Variants in COG5 observed in about 807,000 individuals in gnomAD.
The protein encoded by COG5 is component of oligomeric golgi complex 5, also known as conserved oligomeric Golgi complex subunit 5.
COG5 carries 86 observed loss-of-function variants against 110.4 expected under a neutral mutation model. That is an observed-to-expected ratio of 0.78 (90% confidence interval 0.65 to 0.93). COG5 has a LOEUF of 0.93. COG5 is among the 40% of genes least tolerant of loss of function. The pLI, the probability that COG5 is intolerant of heterozygous loss-of-function variation, is 0.00. For missense variants in COG5, 1,077 were observed against 987.0 expected (o/e 1.09, Z -1.22); for synonymous variants, 360 against 334.6 (o/e 1.08, Z -0.83).
intron 7 of COG5, among the ~76,000 whole-genome samples, chr7:107,404,906 A>C (rs1309526940): frequency 1.3e-5 from 2 of 151,528 alleles, no homozygotes; most frequent in African/African-American, 4.8e-5. Flanking sequence ...AAAAAAAAAA[A>C]AACAGTTGGC....
chr7:107,448,756 T>C (rs1437691204), intron 6 of COG5, among the ~76,000 whole-genome samples: 4 of 152,094 alleles, frequency 2.6e-5, no homozygotes, highest in Admixed American at 2.0e-4. Flanking sequence ...TATACACAGA[T>C]TTTTTTCCCA....
chr7:107,255,384 A>G (rs1802809684), intron 16 of COG5, among the ~76,000 whole-genome samples: 1 of 152,120 alleles, frequency 6.6e-6, no homozygotes, highest in East Asian at 1.9e-4. Context: ...TCCTTCTCTT[A>G]CCCTCAATGA....
intron 11 of COG5, among the ~76,000 whole-genome samples, chr7:107,323,007 A>C (rs73415465): frequency 6.6e-6 from 1 of 152,138 alleles, no homozygotes; most frequent in African/African-American, 2.4e-5. Context: ...TAGCAGATAA[A>C]CTGCAAAAGT....
intron 6 of COG5, among the ~76,000 whole-genome samples, chr7:107,520,459 A>G (rs1360784774): frequency 6.6e-6 from 1 of 152,218 alleles, no homozygotes; most frequent in African/African-American, 2.4e-5. Flanking sequence ...CAGGATACAA[A>G]ATCAATGTGC....
intron 7 of COG5, among the ~76,000 whole-genome samples, chr7:107,406,622 T>C (rs972950109): frequency 3.3e-5 from 5 of 152,082 alleles, no homozygotes; most frequent in African/African-American, 1.2e-4. Context: ...TTACTTTAAA[T>C]ATAAGAGAAT....
chr7:107,220,380 T>C (rs1478130797), intron 19 of COG5, among the ~76,000 whole-genome samples: 1 of 152,210 alleles, frequency 6.6e-6, no homozygotes, highest in African/African-American at 2.4e-5. Context: ...ACTTGAAGCA[T>C]ATAATCACAA....
intron 6 of COG5, among the ~76,000 whole-genome samples, chr7:107,510,132 T>C (rs902275696): frequency 7.9e-5 from 12 of 151,996 alleles, no homozygotes; most frequent in African/African-American, 2.4e-4. Context: ...GACCCATCAG[T>C]GTGCTGTATT....
At chr7:107,323,799 G>A (rs1186972117) in intron 11 of COG5, among the ~76,000 whole-genome samples, 1 of 152,024 alleles carries the variant, frequency 6.6e-6, no homozygotes, top group Non-Finnish European at 1.5e-5. Context: ...AATTTAAATA[G>A]AAATGAACTC....
chr7:107,266,599 T>C (rs1439404009), intron 14 of COG5, among the ~76,000 whole-genome samples: 1 of 152,174 alleles, frequency 6.6e-6, no homozygotes, highest in Non-Finnish European at 1.5e-5. Flanking sequence ...CCTTCCTAGG[T>C]TGTAAACTTT....
At chr7:107,312,633 T>C (rs1808374299) in intron 11 of COG5, among the ~76,000 whole-genome samples, 1 of 152,140 alleles carries the variant, frequency 6.6e-6, no homozygotes, top group African/African-American at 2.4e-5. Context: ...GGGTGATTCA[T>C]TCAACAATTC....
intron 14 of COG5, among the ~76,000 whole-genome samples, chr7:107,260,933 T>C (rs1342565780): frequency 6.6e-6 from 1 of 151,970 alleles, no homozygotes; most frequent in African/African-American, 2.4e-5. Context: ...AACACCACTC[T>C]TGTCATAGTT....
intron 6 of COG5, among the ~76,000 whole-genome samples, chr7:107,499,196 G>A (rs1293128185): frequency 1.3e-5 from 2 of 152,082 alleles, no homozygotes; most frequent in South Asian, 4.1e-4. Flanking sequence ...TTTTAGTAAA[G>A]CAAGATAAGT....
chr7:107,399,178 G>A (rs946881320), intron 7 of COG5, among the ~76,000 whole-genome samples: 1 of 151,872 alleles, frequency 6.6e-6, no homozygotes, highest in African/African-American at 2.4e-5. Flanking sequence ...TTCCAACCTG[G>A]GTGACAGAGC....
At chr7:107,458,306 T>A (rs1365650223) in intron 6 of COG5, among the ~76,000 whole-genome samples, 1 of 152,132 alleles carries the variant, frequency 6.6e-6, no homozygotes, top group African/African-American at 2.4e-5. Context: ...AAATGAACAA[T>A]GCCATTGTAA....
At chr7:107,428,021 A>T (rs1019149500) in intron 6 of COG5, among the ~76,000 whole-genome samples, 6 of 152,092 alleles carry the variant, frequency 3.9e-5, no homozygotes, top group Non-Finnish European at 8.8e-5. Context: ...TGCAAAAAAG[A>T]CTACAACCAA....
intron 18 of COG5, among the ~76,000 whole-genome samples, chr7:107,231,305 GTTAA>G (rs923744700): frequency 7.3e-4 from 111 of 152,268 alleles, no homozygotes; most frequent in African/African-American, 2.5e-3. Flanking sequence ...TATAAGTGCT[GTTAA>G]TTGTCAGCAA....
chr7:107,462,468 T>C (rs933368413), intron 6 of COG5, among the ~76,000 whole-genome samples: 1 of 151,962 alleles, frequency 6.6e-6, no homozygotes, highest in Non-Finnish European at 1.5e-5. Flanking sequence ...AAGCATGAAG[T>C]CCAGGCTGGA....
chr7:107,475,579 A>G lies in COG5; in HGVS notation c.538+51658T>C, dbSNP rs34349032. The G allele has an allele frequency of 6.6e-3, 2,637 of 401,926 alleles. 66 individuals carry two copies. Among genetic ancestry groups the G allele is most frequent in the East Asian group, 6.5e-3 (169 of 25,966 alleles). 24.9% of individuals were successfully genotyped at this position (401,926 alleles called of 1,614,324 possible). ...AGTTTGTTAAAGTACTATCATGTGT[A>G]TATTTTGTCAATATTATGTCCAACA... On this transcript the variant is annotated intron_variant, in intron 6 of 21. Transcript: ENST00000297135.
At chr7:107,558,524 A>G (rs1043022670) in intron 1 of COG5, among the ~76,000 whole-genome samples, 3 of 152,046 alleles carry the variant, frequency 2.0e-5, no homozygotes, top group African/African-American at 7.2e-5. Context: ...GAATAGCTTG[A>G]ACCCGGGAGG....
Sources: gnomAD v4.1 joint callset for allele counts (sites outside exome capture counted in the v4.1 genomes callset) on GRCh38, gnomAD v4.1.1 for gene constraint, MANE v1.5 for transcripts, NCBI Gene and HGNC (gene_info 2026-07-23, HGNC 2026-07-21) for gene names.